GRAMD1B: variants seen among roughly 807,000 people sequenced by gnomAD.
The protein encoded by GRAMD1B is protein Aster-B.
A neutral mutation model predicts 99.7 loss-of-function variants in GRAMD1B; 37 were observed. The ratio of observed to expected loss-of-function variants is 0.37; its 90% CI spans 0.29 to 0.49. The LOEUF is 0.49. GRAMD1B is among the 20% of genes least tolerant of loss of function. GRAMD1B has a pLI of 0.98. For synonymous variants in GRAMD1B, 427 were observed against 387.6 expected (o/e 1.10, Z -1.19); for missense variants, 888 against 1,009.2 (o/e 0.88, Z 1.63).
intron 1 of GRAMD1B, among the ~76,000 whole-genome samples, chr11:123,422,732 A>G (rs1948494997): frequency 6.6e-6 from 1 of 152,220 alleles, no homozygotes; most frequent in Admixed American, 6.5e-5. Context: ...ATGCCTCTGC[A>G]CATGTGGGTC....
At chr11:123,560,408 T>A in intron 2 of GRAMD1B, 5 of 1,144,518 alleles carry the variant, frequency 4.4e-6, no homozygotes, top group East Asian at 6.8e-5. Context: ...TAAAGGGGAG[T>A]CATGCTTAAA....
At chr11:123,560,478 G>A in intron 2 of GRAMD1B, 1 of 1,222,016 alleles carries the variant, frequency 8.2e-7, no homozygotes, top group Non-Finnish European at 1.0e-6. Context: ...GAGAGCCCTG[G>A]CCCGAGTCCC....
chr11:123,581,053 C>A (rs1397182173), intron 3 of GRAMD1B, among the ~76,000 whole-genome samples: 2 of 152,130 alleles, frequency 1.3e-5, no homozygotes, highest in African/African-American at 4.8e-5. Flanking sequence ...ACACCCCGCA[C>A]CTTACTTAAT....
intron 7 of GRAMD1B, chr11:123,599,325 G>C: frequency 1.4e-6 from 1 of 705,378 alleles, no homozygotes; most frequent in Non-Finnish European, 2.7e-6. Context: ...CGTGGCCCGA[G>C]TGCAGTGATC....
chr11:123,411,164 C>A (rs1383564338), intron 1 of GRAMD1B, among the ~76,000 whole-genome samples: 1 of 151,992 alleles, frequency 6.6e-6, no homozygotes, highest in Non-Finnish European at 1.5e-5. Flanking sequence ...GCCACCACAC[C>A]CGGCTAATTT....
intron 1 of GRAMD1B, among the ~76,000 whole-genome samples, chr11:123,465,965 T>A (rs1024379263): frequency 3.9e-5 from 6 of 152,050 alleles, no homozygotes; most frequent in Non-Finnish European, 5.9e-5. Context: ...GGGCTCAAGA[T>A]CATACTGATT....
rs547495187 is a variant in GRAMD1B at position 123,626,064 on chromosome 11, C to T, written c.*3469C>T. The T allele has an allele frequency of 6.6e-6, 1 of 152,216 alleles. No homozygotes were observed. Among genetic ancestry groups the T allele is most frequent in the South Asian group, 2.1e-4 (1 of 4,812 alleles). 9.4% of individuals were successfully genotyped at this position (152,216 alleles called of 1,614,324 possible). On this transcript the variant is annotated 3_prime_UTR_variant, in exon 20 of 20. Coordinates refer to ENST00000635736, the MANE Select transcript of GRAMD1B (RefSeq NM_001387025.1). ...GTTTGTGAAGGGATCTTCCTTTGGA[C>T]TTTCTCTAAGTTGGGAGAAGAACAT... is the stretch of plus-strand genomic sequence containing the variant.
intron 10 of GRAMD1B, 60 bp downstream of exon 10, chr11:123,605,538 A>G (rs1952595659): frequency 7.2e-7 from 1 of 1,385,450 alleles, no homozygotes; most frequent in Admixed American, 2.1e-5. Context: ...TTCCTAGCAT[A>G]GTTCACTGGG....
At chr11:123,515,924 C>T (rs1444721835) in intron 2 of GRAMD1B, among the ~76,000 whole-genome samples, 3 of 152,080 alleles carry the variant, frequency 2.0e-5, no homozygotes, top group African/African-American at 7.2e-5. Context: ...GGCAACACCA[C>T]GCCGGGCTAA....
intron 9 of GRAMD1B, 63 bp from the exon 10 acceptor site, chr11:123,605,259 T>G: frequency 8.3e-7 from 1 of 1,208,974 alleles, no homozygotes; most frequent in Non-Finnish European, 1.2e-6. Context: ...TCTGAGATTC[T>G]TAGAATAGTT....
intron 2 of GRAMD1B, among the ~76,000 whole-genome samples, chr11:123,548,291 AATATAT>A (rs139996126): frequency 0.033 from 2,458 of 75,114 alleles, 110 homozygotes; most frequent in African/African-American, 0.1. Flanking sequence ...GCTGTGCCAA[AATATAT>A]ATATATATAT....
chr11:123,501,281 A>C (rs1376739680), intron 2 of GRAMD1B, among the ~76,000 whole-genome samples: 1 of 151,884 alleles, frequency 6.6e-6, no homozygotes, highest in Admixed American at 6.6e-5. Context: ...AGTGATTCTC[A>C]TGCCTCAGCC....
At chr11:123,359,311 GGCAAAAAGACAAA>G (rs1565446846) in intron 1 of GRAMD1B, among the ~76,000 whole-genome samples, 1 of 150,580 alleles carries the variant, frequency 6.6e-6, no homozygotes, top group East Asian at 2.0e-4. Flanking sequence ...TCCGAGATTT[GGCAAAAAGACAAA>G]GTGTACATCA....
At chr11:123,522,369 A>T (rs1159419087) in intron 2 of GRAMD1B, among the ~76,000 whole-genome samples, 1 of 152,046 alleles carries the variant, frequency 6.6e-6, no homozygotes, top group Non-Finnish European at 1.5e-5. Flanking sequence ...CCCAGGCTGG[A>T]GTGCAGTGGC....
At chr11:123,389,383 C>CA (rs1324023950) in intron 1 of GRAMD1B, among the ~76,000 whole-genome samples, 1,833 of 120,970 alleles carry the variant, frequency 0.015, 18 homozygotes, top group South Asian at 0.032. Flanking sequence ...GAGTCCATGT[C>CA]AAAAAAAAAA....
intron 2 of GRAMD1B, among the ~76,000 whole-genome samples, chr11:123,520,366 C>A (rs1341340246): frequency 6.6e-6 from 1 of 152,166 alleles, no homozygotes; most frequent in Non-Finnish European, 1.5e-5. Context: ...CTGTGCCCTA[C>A]CCCCTCTTTA....
intron 2 of GRAMD1B, among the ~76,000 whole-genome samples, chr11:123,539,747 T>C (rs1476890920): frequency 6.6e-6 from 1 of 152,228 alleles, no homozygotes; most frequent in Non-Finnish European, 1.5e-5. Context: ...CATTCTCTTA[T>C]TGCAGCTACC....
intron 2 of GRAMD1B, among the ~76,000 whole-genome samples, chr11:123,542,919 G>A (rs1377205945): frequency 6.6e-6 from 1 of 152,088 alleles, no homozygotes; most frequent in African/African-American, 2.4e-5. Flanking sequence ...CTCCCAAAGT[G>A]CTGGGATTAC....
chr11:123,557,977 CTTT>C (rs532091098), intron 2 of GRAMD1B, among the ~76,000 whole-genome samples: 3 of 99,938 alleles, frequency 3.0e-5, no homozygotes, highest in South Asian at 4.8e-4. Flanking sequence ...TTCAGTGCAA[CTTT>C]TTTTTTTTTT....
Sources: allele counts gnomAD v4.1 joint callset (sites outside exome capture counted in the v4.1 genomes callset), GRCh38; gene constraint gnomAD v4.1.1; transcripts MANE v1.5; gene names NCBI Gene and HGNC (gene_info 2026-07-23, HGNC 2026-07-21).